LRP1B: variants seen among roughly 807,000 people sequenced by gnomAD.
LRP1B encodes LDL receptor related protein 1B, also known as low-density lipoprotein receptor-related protein 1B.
In LRP1B, 217 loss-of-function variants were observed where a neutral mutation model predicts 556.6. That is an observed-to-expected ratio of 0.39 (90% CI 0.35 to 0.44). LRP1B has a LOEUF of 0.44. Ranked by LOEUF, LRP1B falls within the 20% of genes least tolerant of loss-of-function variation. The pLI is 1.00. For synonymous variants in LRP1B, 2,047 were observed against 1,865.8 expected, an observed-to-expected ratio of 1.10 and a Z score of -2.50; for missense variants, 5,053 against 5,620.8, an observed-to-expected ratio of 0.90 and a Z score of 3.23.
chr2:141,698,031 T>C (rs1691792296), intron 2 of LRP1B, among the ~76,000 whole-genome samples: 1 of 151,898 alleles, frequency 6.6e-6, no homozygotes, highest in Non-Finnish European at 1.5e-5. Flanking sequence ...GAGCTAGAGG[T>C]GCTAAAAGTC....
intron 2 of LRP1B, among the ~76,000 whole-genome samples, chr2:141,749,699 T>C (rs986236834): frequency 5.9e-5 from 9 of 152,104 alleles, no homozygotes; most frequent in African/African-American, 2.2e-4. Context: ...AGAATAGAAC[T>C]GAGTCAGATT....
chr2:140,600,234 G>A (rs1682600344), intron 42 of LRP1B, among the ~76,000 whole-genome samples: 1 of 151,990 alleles, frequency 6.6e-6, no homozygotes, highest in African/African-American at 2.4e-5. Flanking sequence ...TCCTACTGTG[G>A]GACATTTATT....
At chr2:141,575,080 T>TTCTTCACA (rs1686682633) in intron 2 of LRP1B, among the ~76,000 whole-genome samples, 1 of 152,200 alleles carries the variant, frequency 6.6e-6, no homozygotes, top group Non-Finnish European at 1.5e-5. Flanking sequence ...ACCATTGACA[T>TTCTTCACA]TCTTCACAGA....
At chr2:140,915,616 C>T (rs1284542352) in intron 21 of LRP1B, among the ~76,000 whole-genome samples, 1 of 151,286 alleles carries the variant, frequency 6.6e-6, no homozygotes, top group East Asian at 1.9e-4. Flanking sequence ...CGCACCACTG[C>T]ACTCCTACCT....
chr2:141,011,431 A>C (rs997515952), intron 14 of LRP1B, among the ~76,000 whole-genome samples: 5 of 152,064 alleles, frequency 3.3e-5, no homozygotes, highest in Admixed American at 1.3e-4. Context: ...AAAAATTTAG[A>C]ACTCAATTAG....
chr2:141,608,088 G>C (rs1687980553), intron 2 of LRP1B, among the ~76,000 whole-genome samples: 1 of 152,064 alleles, frequency 6.6e-6, no homozygotes, highest in Non-Finnish European at 1.5e-5. Context: ...GCTGGGTGTG[G>C]TGGTGCATGC....
intron 7 of LRP1B, among the ~76,000 whole-genome samples, chr2:141,131,583 A>T (rs1418094033): frequency 6.6e-6 from 1 of 151,712 alleles, no homozygotes; most frequent in Non-Finnish European, 1.5e-5. Context: ...TACAAAAAAT[A>T]TTCCAAATGA....
chr2:140,496,897 AT>A (rs1688968368), intron 55 of LRP1B, among the ~76,000 whole-genome samples: 1 of 72,554 alleles, frequency 1.4e-5, no homozygotes, highest in Non-Finnish European at 2.8e-5. Flanking sequence ...GATAAAATTT[AT>A]TTATTTATTT....
chr2:142,050,130 A>T (rs943683872), intron 1 of LRP1B, among the ~76,000 whole-genome samples: 1 of 152,144 alleles, frequency 6.6e-6, no homozygotes, highest in Non-Finnish European at 1.5e-5. Context: ...TTACATAATT[A>T]AGTATTCTCT....
chr2:140,480,041 A>G (rs1688168749), intron 59 of LRP1B, among the ~76,000 whole-genome samples: 1 of 152,180 alleles, frequency 6.6e-6, no homozygotes, highest in Admixed American at 6.5e-5. Context: ...TTCAACAGTG[A>G]ATTTAGCAGT....
At chr2:141,233,252 G>A (rs892155703) in intron 5 of LRP1B, among the ~76,000 whole-genome samples, 53 of 152,268 alleles carry the variant, frequency 3.5e-4, no homozygotes, top group South Asian at 2.1e-3. Flanking sequence ...GCACACAGGT[G>A]ACATTTTAAC....
At chr2:141,044,724 C>T (rs1485809992) in intron 11 of LRP1B, among the ~76,000 whole-genome samples, 1 of 149,952 alleles carries the variant, frequency 6.7e-6, no homozygotes, top group African/African-American at 2.4e-5. Flanking sequence ...AATGAGATAC[C>T]ATCTCACACC....
intron 1 of LRP1B, among the ~76,000 whole-genome samples, chr2:141,952,239 T>G (rs1232269410): frequency 2.6e-5 from 4 of 152,008 alleles, no homozygotes; most frequent in African/African-American, 9.7e-5. Flanking sequence ...ATTTTCTTAA[T>G]CCAGTCTATC....
In LRP1B at chr2:140,753,396, T is replaced by C. The variant is rs537855714; in HGVS notation, c.5758+15817A>G. Among the ~76,000 whole-genome samples the C allele has an allele frequency of 3.2e-4, 48 of 152,320 alleles. No individual in the cohort carries two copies. The South Asian group carries it at 8.5e-3, about 27-fold the overall frequency. ...ATTATTTAAACTAAGATTTAGTTACTTGATCTCACATTTCCTATACAAATG... is the reference window on the plus strand; with the variant it reads ...ATTATTTAAACTAAGATTTAGTTACCTGATCTCACATTTCCTATACAAATG... On this transcript the variant is annotated intron_variant, in intron 35 of 90. Transcript: ENST00000389484.
intron 6 of LRP1B, among the ~76,000 whole-genome samples, chr2:141,195,208 G>T (rs1681701549): frequency 1.3e-5 from 2 of 152,056 alleles, no homozygotes. Flanking sequence ...GAAGCCACCT[G>T]CCATGCTATG....
chr2:141,789,190 T>C (rs1332366215), intron 2 of LRP1B, among the ~76,000 whole-genome samples: 1 of 152,004 alleles, frequency 6.6e-6, no homozygotes, highest in East Asian at 1.9e-4. Context: ...ATACGGCTTC[T>C]GGATAAGGAT....
chr2:140,970,310 C>T (rs950616928), intron 18 of LRP1B, among the ~76,000 whole-genome samples: 3 of 152,114 alleles, frequency 2.0e-5, no homozygotes, highest in East Asian at 1.9e-4. Context: ...TCCAGTTGAT[C>T]GAATCGGCTA....
intron 1 of LRP1B, among the ~76,000 whole-genome samples, chr2:141,964,552 C>G (rs1330892035): frequency 6.6e-6 from 1 of 151,944 alleles, no homozygotes. Flanking sequence ...ATGTACAAAG[C>G]TGAAACTGGA....
At chr2:141,107,105 C>A (rs1298434119) in intron 7 of LRP1B, among the ~76,000 whole-genome samples, 2 of 151,144 alleles carry the variant, frequency 1.3e-5, no homozygotes. Context: ...GGAAATAATT[C>A]CCTAATAGTC....
Sources: allele counts gnomAD v4.1 joint callset (sites outside exome capture counted in the v4.1 genomes callset), GRCh38; gene constraint gnomAD v4.1.1; transcripts MANE v1.5; gene names NCBI Gene and HGNC (gene_info 2026-07-23, HGNC 2026-07-21).